The following STK32B variants were observed in gnomAD, a reference collection of about 807,000 sequenced individuals.
STK32B encodes the protein serine/threonine kinase 32B.
STK32B carries 43 observed loss-of-function variants against 52.6 expected under a neutral mutation model. That is an observed-to-expected ratio of 0.82 (90% confidence interval 0.64 to 1.05). The LOEUF (loss-of-function observed/expected upper bound fraction) is 1.05, where lower values mean the gene tolerates loss of function less well. Ranked by LOEUF, STK32B falls within the 50% of genes least tolerant of loss-of-function variation. The pLI, the probability that STK32B is intolerant of heterozygous loss-of-function variation, is 0.00. For synonymous variants in STK32B, 238 were observed against 204.3 expected (o/e 1.17, Z -1.41); for missense variants, 621 against 534.6 (o/e 1.16, Z -1.59).
chr4:5,360,131 C>T (rs1040838247), intron 4 of STK32B, among the ~76,000 whole-genome samples: 2 of 152,044 alleles, frequency 1.3e-5, no homozygotes, highest in African/African-American at 2.4e-5. Flanking sequence ...TCAGATAACC[C>T]GCCGTATACC....
Position 5,450,524 on chromosome 4 carries a change from T to C in STK32B, c.666+3748T>C, listed in dbSNP as rs116875217. ...TAATGGCTAGAAATTATTTTCCCCT[T>C]ACTCAGTCGAAAGCTGCTTCCTTAT... On this transcript the variant is annotated intron_variant, in intron 7 of 11. Transcript: ENST00000282908. Among the ~76,000 whole-genome samples, 718 of 152,286 alleles carry C rather than the reference T, an allele frequency of 4.7e-3. 19 individuals carry two copies. In the East Asian group the frequency reaches 0.069, roughly 15 times the overall value.
At chr4:5,156,139 C>A (rs562166509) in intron 2 of STK32B, among the ~76,000 whole-genome samples, 5 of 151,572 alleles carry the variant, frequency 3.3e-5, no homozygotes, top group Admixed American at 2.0e-4. Flanking sequence ...TATACATATA[C>A]ACACTCATAT....
chr4:5,413,254 G>A (rs1711860710), intron 5 of STK32B, among the ~76,000 whole-genome samples: 1 of 152,100 alleles, frequency 6.6e-6, no homozygotes, highest in African/African-American at 2.4e-5. Context: ...AGTCAGTAAG[G>A]GTCTGCATCA....
chr4:5,484,485 T>C (rs1291912108), intron 11 of STK32B, among the ~76,000 whole-genome samples: 1 of 152,198 alleles, frequency 6.6e-6, no homozygotes, highest in African/African-American at 2.4e-5. Context: ...TGTGTGTCTC[T>C]GCACGTGAGA....
At chr4:5,322,109 G>A (rs1482011096) in intron 3 of STK32B, among the ~76,000 whole-genome samples, 1 of 151,978 alleles carries the variant, frequency 6.6e-6, no homozygotes, top group Non-Finnish European at 1.5e-5. Flanking sequence ...CAAGGCAAGA[G>A]GATTGGTTGA....
intron 4 of STK32B, among the ~76,000 whole-genome samples, chr4:5,385,197 A>C (rs116466134): frequency 0.031 from 4,739 of 151,868 alleles, 233 homozygotes; most frequent in African/African-American, 0.11. Context: ...GAAGAACAGG[A>C]GGGTTTAGAT....
At chr4:5,200,374 G>T (rs548396572) in intron 3 of STK32B, among the ~76,000 whole-genome samples, 4 of 151,518 alleles carry the variant, frequency 2.6e-5, no homozygotes, top group African/African-American at 9.7e-5. Context: ...GCCACCTAAA[G>T]TCATTTGCTG....
At chr4:5,277,376 T>C (rs1419508248) in intron 3 of STK32B, among the ~76,000 whole-genome samples, 1 of 152,214 alleles carries the variant, frequency 6.6e-6, no homozygotes, top group African/African-American at 2.4e-5. Flanking sequence ...GAGTATTTTT[T>C]TTTTTCAGCC....
At chr4:5,165,747 A>G (rs953957433) in intron 2 of STK32B, among the ~76,000 whole-genome samples, 1 of 152,276 alleles carries the variant, frequency 6.6e-6, no homozygotes, top group Admixed American at 6.5e-5. Context: ...TGCACGTCAT[A>G]CCTTTGCCTC....
chr4:5,149,989 A>G (rs1201808279), intron 2 of STK32B, among the ~76,000 whole-genome samples: 2 of 151,756 alleles, frequency 1.3e-5, no homozygotes, highest in African/African-American at 4.8e-5. Context: ...TTTCTACTGG[A>G]TACAGATTTT....
intron 1 of STK32B, among the ~76,000 whole-genome samples, chr4:5,070,988 TG>T (rs1296873637): frequency 6.6e-6 from 1 of 152,148 alleles, no homozygotes; most frequent in East Asian, 1.9e-4. Context: ...CCGTGGTAAT[TG>T]CTTCCAGAGC....
chr4:5,069,340 C>T (rs967830751), intron 1 of STK32B, among the ~76,000 whole-genome samples: 3 of 152,070 alleles, frequency 2.0e-5, no homozygotes, highest in African/African-American at 4.8e-5. Flanking sequence ...TTCTTTTTGA[C>T]ACTGGAGCTG....
intron 3 of STK32B, among the ~76,000 whole-genome samples, chr4:5,177,438 G>T (rs73210302): frequency 1.3e-5 from 2 of 152,028 alleles, no homozygotes; most frequent in African/African-American, 4.8e-5. Flanking sequence ...TACAGTTCAC[G>T]ATGCGACTTG....
At chr4:5,317,261 CATAT>C (rs1479173299) in intron 3 of STK32B, among the ~76,000 whole-genome samples, 2 of 16,120 alleles carry the variant, frequency 1.2e-4, no homozygotes, top group Non-Finnish European at 1.8e-4. Context: ...TAACATATAA[CATAT>C]ATATAATATA....
chr4:5,326,533 C>CA (rs1731884657), intron 3 of STK32B, among the ~76,000 whole-genome samples: 1 of 152,156 alleles, frequency 6.6e-6, no homozygotes, highest in Non-Finnish European at 1.5e-5. Context: ...TCTCCCTAGA[C>CA]AGGTCTTATT....
intron 4 of STK32B, among the ~76,000 whole-genome samples, chr4:5,339,756 A>G (rs1250161033): frequency 1.3e-5 from 2 of 152,076 alleles, no homozygotes; most frequent in African/African-American, 2.4e-5. Context: ...TTGGACCTCG[A>G]TTTTCTAATC....
At chr4:5,219,595 C>G (rs1250621582) in intron 3 of STK32B, among the ~76,000 whole-genome samples, 1 of 152,240 alleles carries the variant, frequency 6.6e-6, no homozygotes, top group Non-Finnish European at 1.5e-5. Context: ...GGCCCAACTT[C>G]CGAGCTGATC....
intron 6 of STK32B, 73 bp from the exon 7 acceptor site, chr4:5,446,600 T>G: frequency 7.8e-7 from 1 of 1,289,276 alleles, no homozygotes; most frequent in Non-Finnish European, 1.1e-6. Flanking sequence ...TTTCTCTCCT[T>G]GTCCCCTCTC....
At chr4:5,454,578 C>T (rs1224091749) in intron 7 of STK32B, among the ~76,000 whole-genome samples, 5 of 152,062 alleles carry the variant, frequency 3.3e-5, no homozygotes, top group Non-Finnish European at 5.9e-5. Flanking sequence ...GTCCTGGGGG[C>T]TAGGACTTTA....
Sources: allele counts gnomAD v4.1 joint callset (sites outside exome capture counted in the v4.1 genomes callset), GRCh38; gene constraint gnomAD v4.1.1; transcripts MANE v1.5; gene names NCBI Gene and HGNC (gene_info 2026-07-23, HGNC 2026-07-21).